Variants in CSMD3 observed in about 807,000 individuals in gnomAD.
CSMD3 encodes CUB and sushi domain-containing protein 3.
Under a neutral mutation model 435.2 loss-of-function variants are expected in CSMD3, and 177 were observed. The observed-to-expected ratio is 0.41, with a 90% CI of 0.36 to 0.46. The LOEUF (loss-of-function observed/expected upper bound fraction) is 0.46, where lower values mean the gene tolerates loss of function less well. Ranked by LOEUF, CSMD3 falls within the 20% of genes least tolerant of loss-of-function variation. The probability of loss-of-function intolerance (pLI) is 0.34; values close to 1 mark genes in which losing one functional copy is unlikely to be tolerated. For missense variants in CSMD3, 4,265 were observed against 4,504.6 expected, an observed-to-expected ratio of 0.95 and a Z score of 1.52; for synonymous variants, 1,656 against 1,520.5, an observed-to-expected ratio of 1.09 and a Z score of -2.07.
At chr8:113,002,144 T>A (rs2085887303) in intron 6 of CSMD3, among the ~76,000 whole-genome samples, 1 of 152,222 alleles carries the variant, frequency 6.6e-6, no homozygotes, top group African/African-American at 2.4e-5. Flanking sequence ...GCACTTTTAT[T>A]GTGTGAGACA....
chr8:112,589,465 A>G (rs1029558784), intron 22 of CSMD3, among the ~76,000 whole-genome samples: 8 of 152,170 alleles, frequency 5.3e-5, no homozygotes, highest in East Asian at 1.9e-4. Flanking sequence ...CTGTGATGGT[A>G]TATTAAATTG....
chr8:113,059,897 AT>A (rs1464361308), intron 5 of CSMD3, among the ~76,000 whole-genome samples: 4 of 151,994 alleles, frequency 2.6e-5, no homozygotes, highest in East Asian at 3.9e-4. Context: ...GGCAAGGGTA[AT>A]TTTTTTTCTT....
chr8:112,380,496 ATAAGTACTATAATAAAAT>A (rs1563866795), intron 37 of CSMD3, 40 bp from the exon 38 acceptor site: 1 of 955,478 alleles, frequency 1.0e-6, no homozygotes, highest in Non-Finnish European at 1.7e-6. Flanking sequence ...TGACCACATA[ATAAGTACTATAATAAAAT>A]TAAGTAAGTT....
intron 5 of CSMD3, among the ~76,000 whole-genome samples, chr8:113,084,539 C>A (rs2089682988): frequency 6.8e-6 from 1 of 146,902 alleles, no homozygotes; most frequent in Non-Finnish European, 1.5e-5. Context: ...AAGGAATATA[C>A]AGATTCAATG....
intron 30 of CSMD3, 60 bp downstream of exon 30, chr8:112,503,730 C>T (rs2130913682): frequency 8.0e-7 from 1 of 1,242,926 alleles, no homozygotes; most frequent in Non-Finnish European, 1.2e-6. Context: ...CCAAATTATT[C>T]TCCTGTATAA....
intron 23 of CSMD3, among the ~76,000 whole-genome samples, chr8:112,583,810 C>T (rs80124682): frequency 6.6e-6 from 1 of 151,818 alleles, no homozygotes; most frequent in Non-Finnish European, 1.5e-5. Flanking sequence ...AGATACATTC[C>T]TAAATGATCA....
chr8:112,542,208 A>G (rs1057392148), intron 27 of CSMD3, among the ~76,000 whole-genome samples: 23 of 69,440 alleles, frequency 3.3e-4, no homozygotes, highest in African/African-American at 1.2e-3. Flanking sequence ...TACTGTCTGG[A>G]AAAAAAAAAA....
Position 112,867,259 on chromosome 8 carries a change from AT to A in CSMD3, c.1634-7994del, listed in dbSNP as rs1323048954. On this transcript the variant is annotated intron_variant, in intron 10 of 70. Transcript: ENST00000297405. ...AATCTTTCTTTGCTCAACCATCATC[AT>A]TGGTATTTGAATTTTATTCTTACCA... is the stretch of plus-strand genomic sequence containing the variant. 2.6e-5 allele frequency among the ~76,000 whole-genome samples: 4 copies of A among 152,140 alleles called. No individual in the cohort carries two copies. The East Asian group carries it at 7.7e-4, about 29-fold the overall frequency.
In CSMD3 at chr8:113,410,522, C is replaced by T. The variant is rs564507247; in HGVS notation, c.178+26155G>A. Among the ~76,000 whole-genome samples the T allele has an allele frequency of 2.6e-5, 4 of 152,218 alleles. No individual in the cohort carries two copies. The South Asian group carries it at 8.3e-4, about 32-fold the overall frequency. On this transcript the variant is annotated intron_variant, in intron 1 of 70. Coordinates refer to ENST00000297405, the MANE Select transcript of CSMD3 (RefSeq NM_198123.2). Reference sequence around the variant, plus strand: ...ACAGTGAACTCCCATGGTTCTCTTCCAACTTCCATCAATTGTTCTTTCTCT... The same window carrying T: ...ACAGTGAACTCCCATGGTTCTCTTCTAACTTCCATCAATTGTTCTTTCTCT...
intron 32 of CSMD3, among the ~76,000 whole-genome samples, chr8:112,457,708 C>T (rs767861992): frequency 3.3e-5 from 5 of 151,956 alleles, no homozygotes; most frequent in Admixed American, 6.6e-5. Flanking sequence ...TAGGCCTCCT[C>T]ATTCCTTTCT....
intron 70 of CSMD3, among the ~76,000 whole-genome samples, chr8:112,225,754 C>T (rs11986050): frequency 6.6e-4 from 100 of 152,212 alleles, no homozygotes; most frequent in African/African-American, 2.4e-3. Context: ...TACTCTCATA[C>T]TCAAGTCATG....
At chr8:112,780,830 C>T (rs372764696) in intron 13 of CSMD3, among the ~76,000 whole-genome samples, 27 of 151,938 alleles carry the variant, frequency 1.8e-4, no homozygotes, top group African/African-American at 6.5e-4. Context: ...TTTGGACTAG[C>T]CCTACTACCA....
intron 32 of CSMD3, among the ~76,000 whole-genome samples, chr8:112,423,855 T>C (rs1050366435): frequency 2.0e-5 from 3 of 152,104 alleles, no homozygotes; most frequent in African/African-American, 4.8e-5. Flanking sequence ...AAAGCTTTTA[T>C]ATATATATAC....
At chr8:113,425,824 G>T (rs1461445416) in intron 1 of CSMD3, among the ~76,000 whole-genome samples, 1 of 151,480 alleles carries the variant, frequency 6.6e-6, no homozygotes, top group South Asian at 2.1e-4. Context: ...TTCATTTAGA[G>T]GTTTTATCAT....
chr8:113,344,500 C>T (rs576917873), intron 1 of CSMD3, among the ~76,000 whole-genome samples: 22 of 152,202 alleles, frequency 1.4e-4, no homozygotes, highest in African/African-American at 5.1e-4. Flanking sequence ...TTGCTTGCTT[C>T]GAAATAATGT....
intron 30 of CSMD3, among the ~76,000 whole-genome samples, chr8:112,500,680 C>T (rs372376390): frequency 1.3e-5 from 2 of 152,306 alleles, no homozygotes; most frequent in South Asian, 4.1e-4. Flanking sequence ...CATCATATCA[C>T]TTTCTTTTCT....
chr8:112,968,449 C>T (rs147536874), intron 7 of CSMD3, among the ~76,000 whole-genome samples: 233 of 151,460 alleles, frequency 1.5e-3, no homozygotes, highest in African/African-American at 5.5e-3. Flanking sequence ...CTTCTAGTAG[C>T]ACACAATCTA....
chr8:112,377,049 G>A (rs1829010871), intron 38 of CSMD3, among the ~76,000 whole-genome samples: 1 of 151,794 alleles, frequency 6.6e-6, no homozygotes, highest in South Asian at 2.1e-4. Context: ...AGTTTTGCAG[G>A]AATTTGGGAG....
intron 12 of CSMD3, among the ~76,000 whole-genome samples, chr8:112,809,878 C>T (rs912546527): frequency 3.9e-5 from 6 of 152,204 alleles, no homozygotes; most frequent in Non-Finnish European, 5.9e-5. Flanking sequence ...ACCTCCAAGC[C>T]ATTCCTTTGA....
Sources: gnomAD v4.1 joint callset for allele counts (sites outside exome capture counted in the v4.1 genomes callset) on GRCh38, gnomAD v4.1.1 for gene constraint, MANE v1.5 for transcripts, NCBI Gene and HGNC (gene_info 2026-07-23, HGNC 2026-07-21) for gene names.